TCF4: variants seen among roughly 807,000 people sequenced by gnomAD.
TCF4 encodes SL3-3 enhancer factor 2.
In TCF4, 3 loss-of-function variants were observed where a neutral mutation model predicts 82.1. The observed-to-expected ratio is 0.04, with a 90% confidence interval of 0.02 to 0.09. TCF4 has a LOEUF of 0.09. TCF4 is among the 10% of genes least tolerant of loss of function. The pLI is 1.00. For missense variants in TCF4, 518 were observed against 852.7 expected (o/e 0.61, Z 4.89); for synonymous variants, 276 against 309.6 (o/e 0.89, Z 1.14).
chr18:55,495,896 G>A (rs1020367930), intron 3 of TCF4: 3 of 152,054 alleles, frequency 2.0e-5, no homozygotes, highest in African/African-American at 4.8e-5. Flanking sequence ...AATAATTCAC[G>A]ACCTGTCCTT....
intron 3 of TCF4, among the ~76,000 whole-genome samples, chr18:55,503,826 G>A (rs2096725386): frequency 6.6e-6 from 1 of 152,166 alleles, no homozygotes; most frequent in South Asian, 2.1e-4. Context: ...TGTAATCCCA[G>A]CACTTTGGGA....
intron 8 of TCF4, among the ~76,000 whole-genome samples, chr18:55,308,990 C>T (rs2071303538): frequency 2.6e-5 from 4 of 152,174 alleles, no homozygotes; most frequent in Admixed American, 2.6e-4. Context: ...AATACAGTAG[C>T]CACTGATCAT....
chr18:55,350,439 C>A (rs2082096424), intron 7 of TCF4, 31 bp from the exon 8 acceptor site: 1 of 1,612,394 alleles, frequency 6.2e-7, no homozygotes. Flanking sequence ...TTTCAGCTCC[C>A]AAATGCCCAT....
intron 6 of TCF4, among the ~76,000 whole-genome samples, chr18:55,385,361 A>G (rs1206884131): frequency 1.3e-5 from 2 of 152,230 alleles, no homozygotes; most frequent in Non-Finnish European, 2.9e-5. Context: ...TAAGAGGCCA[A>G]TCTGCCTGCC....
chr18:55,497,985 C>G (rs2096656326), intron 3 of TCF4, among the ~76,000 whole-genome samples: 1 of 152,218 alleles, frequency 6.6e-6, no homozygotes, highest in South Asian at 2.1e-4. Context: ...GTTATACCTA[C>G]TGACAAAAAA....
intron 2 of TCF4, among the ~76,000 whole-genome samples, chr18:55,601,082 C>T (rs1163627597): frequency 2.0e-5 from 3 of 152,134 alleles, no homozygotes; most frequent in Non-Finnish European, 2.9e-5. Context: ...AGACCTCAGA[C>T]ATGACCATGT....
intron 19 of TCF4, 34 bp from the exon 20 acceptor site, chr18:55,228,064 A>T: frequency 1.1e-6 from 1 of 918,442 alleles, no homozygotes; most frequent in Non-Finnish European, 1.6e-6. Flanking sequence ...AAAATTCATT[A>T]ATATATTTGT....
At chr18:55,337,059 T>G (rs551981249) in intron 8 of TCF4, among the ~76,000 whole-genome samples, 1 of 152,134 alleles carries the variant, frequency 6.6e-6, no homozygotes, top group Non-Finnish European at 1.5e-5. Flanking sequence ...TAACACACTT[T>G]TAGTGTCCCC....
At chr18:55,250,855 G>A (rs1339726398) in intron 15 of TCF4, among the ~76,000 whole-genome samples, 3 of 152,160 alleles carry the variant, frequency 2.0e-5, no homozygotes, top group Non-Finnish European at 2.9e-5. Context: ...ATGCGGAGCT[G>A]GTTAAGATAA....
chr18:55,313,227 G>A (rs886227747), intron 8 of TCF4, among the ~76,000 whole-genome samples: 2 of 152,150 alleles, frequency 1.3e-5, no homozygotes, highest in Non-Finnish European at 2.9e-5. Flanking sequence ...GAAAGAGTGA[G>A]TTAAATAGTT....
chr18:55,248,626 T>C (rs1309989595), intron 15 of TCF4, among the ~76,000 whole-genome samples: 5 of 152,182 alleles, frequency 3.3e-5, no homozygotes, highest in Admixed American at 2.0e-4. Flanking sequence ...AGTAACAGAA[T>C]GGTTTCTAAT....
chr18:55,553,056 A>C (rs2097273873), intron 3 of TCF4, among the ~76,000 whole-genome samples: 1 of 152,224 alleles, frequency 6.6e-6, no homozygotes, highest in African/African-American at 2.4e-5. Flanking sequence ...ATATATTCCC[A>C]CTGCTCAGGA....
intron 18 of TCF4, 113 bp from the exon 19 acceptor site, chr18:55,228,474 C>T (rs572374174): frequency 4.2e-6 from 6 of 1,435,442 alleles, no homozygotes; most frequent in Non-Finnish European, 5.8e-6. Flanking sequence ...TATTACAGAA[C>T]AAAAGGAACA....
At chr18:55,438,883 A>G (rs2095384671) in intron 5 of TCF4, among the ~76,000 whole-genome samples, 1 of 152,244 alleles carries the variant, frequency 6.6e-6, no homozygotes, top group Admixed American at 6.5e-5. Context: ...TGAGTATCTT[A>G]AAGTATTCTT....
intron 6 of TCF4, among the ~76,000 whole-genome samples, chr18:55,376,168 T>C (rs923933979): frequency 2.0e-5 from 3 of 151,778 alleles, no homozygotes; most frequent in African/African-American, 7.3e-5. Context: ...ACCACAGGCA[T>C]GCATCACCAC....
chr18:55,513,573 AACTACTCTCAAAGCTACCATTTAG>A lies in TCF4; in HGVS notation c.146-49460_146-49437del, dbSNP rs1314425056. Among the ~76,000 whole-genome samples the A allele has an allele frequency of 2.0e-5, 3 of 152,126 alleles. No homozygotes were observed. The East Asian group carries it at 5.8e-4, about 29-fold the overall frequency. ...TCTTATAATTTTTCCATAAATATCT[AACTACTCTCAAAGCTACCATTTAG>A]ACTACAAATGCATCCTTCAGTTTGT... On this transcript the variant is annotated intron_variant, in intron 3 of 19. Coordinates refer to ENST00000354452, the MANE Select transcript of TCF4 (RefSeq NM_001083962.2).
chr18:55,455,632 G>A lies in TCF4; in HGVS notation c.304+5387C>T, dbSNP rs564152508. On this transcript the variant is annotated intron_variant, in intron 5 of 19. Transcript: ENST00000354452. ...CCTAATTTCGCTGCATTTAAAAAGT[G>A]AACTAAAATTTCTAGAGCTGACATC... is the stretch of plus-strand genomic sequence containing the variant. Among the ~76,000 whole-genome samples, 20 of 151,952 alleles carry A rather than the reference G, an allele frequency of 1.3e-4. No individual in the cohort carries two copies. The South Asian group carries it at 4.2e-3, about 32-fold the overall frequency.
chr18:55,631,385 T>A, exon 2 of TCF4: 1 of 1,547,340 alleles, frequency 6.5e-7, no homozygotes, highest in Non-Finnish European at 8.7e-7. Context: ...TTACAAAACA[T>A]TTGCTGCAGG....
At chr18:55,261,265 T>C in intron 12 of TCF4, 1 of 656,404 alleles carries the variant, frequency 1.5e-6, no homozygotes, top group East Asian at 2.6e-5. Flanking sequence ...AGTACCATTT[T>C]GAGGATGAGA....
Sources: gnomAD v4.1 joint callset for allele counts (sites outside exome capture counted in the v4.1 genomes callset) on GRCh38, gnomAD v4.1.1 for gene constraint, MANE v1.5 for transcripts, NCBI Gene and HGNC (gene_info 2026-07-23, HGNC 2026-07-21) for gene names.